The following TNKS variants were observed in gnomAD, a reference collection of about 807,000 sequenced individuals.
The protein encoded by TNKS is poly [ADP-ribose] polymerase tankyrase-1.
A neutral mutation model predicts 135.8 loss-of-function variants in TNKS; 72 were observed. The observed-to-expected ratio is 0.53, with a 90% CI of 0.44 to 0.64. TNKS has a LOEUF of 0.64. Among genes scored for constraint, TNKS ranks in the 30% least tolerant of loss-of-function variants. The probability of loss-of-function intolerance (pLI) is 0.00; values close to 1 mark genes in which losing one functional copy is unlikely to be tolerated. For synonymous variants in TNKS, 849 were observed against 649.3 expected (o/e 1.31, Z -4.68); for missense variants, 1,769 against 1,674.0 (o/e 1.06, Z -0.99).
chr8:9,589,226 C>T (rs1397621762), intron 2 of TNKS, among the ~76,000 whole-genome samples: 1 of 152,178 alleles, frequency 6.6e-6, no homozygotes, highest in African/African-American at 2.4e-5. Context: ...ATACTAGAAG[C>T]AGGACATACA....
intron 3 of TNKS, chr8:9,670,784 T>A (rs1350277466): frequency 6.6e-6 from 1 of 152,228 alleles, no homozygotes; most frequent in Admixed American, 6.5e-5. Context: ...AAAGCCTTGC[T>A]ATGATGTAAG....
At chr8:9,559,679 C>T (rs913903164) in intron 1 of TNKS, among the ~76,000 whole-genome samples, 2 of 152,134 alleles carry the variant, frequency 1.3e-5, no homozygotes, top group African/African-American at 4.8e-5. Context: ...GTTTAGCTCC[C>T]ACTTACTTAA....
At chr8:9,672,699 CACACACACACACAAAAA>C (rs1206261452) in intron 3 of TNKS, among the ~76,000 whole-genome samples, 2 of 117,074 alleles carry the variant, frequency 1.7e-5, no homozygotes, top group South Asian at 3.5e-4. Context: ...CACACACACA[CACACACACACACAAAAA>C]AAAAAAAACA....
At chr8:9,638,856 C>T (rs34638238) in intron 3 of TNKS, among the ~76,000 whole-genome samples, 5 of 151,924 alleles carry the variant, frequency 3.3e-5, no homozygotes, top group Non-Finnish European at 5.9e-5. Context: ...TACAGGAGAA[C>T]TGAGTGTATA....
At chr8:9,687,326 C>T (rs1275225896) in intron 5 of TNKS, among the ~76,000 whole-genome samples, 1 of 152,214 alleles carries the variant, frequency 6.6e-6, no homozygotes, top group South Asian at 2.1e-4. Flanking sequence ...CTAATCAAGT[C>T]ACTTCTTCGG....
chr8:9,594,437 C>T (rs904314556), intron 2 of TNKS, among the ~76,000 whole-genome samples: 4 of 152,118 alleles, frequency 2.6e-5, no homozygotes, highest in African/African-American at 9.7e-5. Flanking sequence ...GTTTTAAATG[C>T]TTAATGACCG....
At position 9,587,653 on chromosome 8, in the gene TNKS, C is replaced by G. The variant is rs113613703; in HGVS notation, c.898+7270C>G. ...TCCTGACCTTGTGATCCGCCCGCCTCGGCCTCCCAAAGTGCTGGGATTACA... is the reference window on the plus strand; with the variant it reads ...TCCTGACCTTGTGATCCGCCCGCCTGGGCCTCCCAAAGTGCTGGGATTACA... On this transcript the variant is annotated intron_variant, in intron 2 of 26. Coordinates refer to ENST00000310430, the MANE Select transcript of TNKS (RefSeq NM_003747.3). Among the ~76,000 whole-genome samples the G allele has an allele frequency of 7.2e-5, 11 of 152,250 alleles. No individual in the cohort carries two copies. In the East Asian group the frequency reaches 2.1e-3, roughly 29 times the overall value.
intron 19 of TNKS, among the ~76,000 whole-genome samples, chr8:9,752,332 C>G (rs925240189): frequency 6.6e-6 from 1 of 151,960 alleles, no homozygotes; most frequent in African/African-American, 2.4e-5. Flanking sequence ...AATACAAATA[C>G]TAATTTGATA....
At chr8:9,768,744 T>TAG (rs1201154816) in intron 25 of TNKS, among the ~76,000 whole-genome samples, 1 of 152,190 alleles carries the variant, frequency 6.6e-6, no homozygotes, top group East Asian at 1.9e-4. Context: ...GCCACAAATG[T>TAG]AGAGAGAGAT....
chr8:9,582,457 G>A (rs1282178484), intron 2 of TNKS, among the ~76,000 whole-genome samples: 1 of 152,190 alleles, frequency 6.6e-6, no homozygotes, highest in African/African-American at 2.4e-5. Context: ...ATCTCTATAT[G>A]TGGGGTAGAA....
chr8:9,638,894 A>G (rs1800620829), intron 3 of TNKS, among the ~76,000 whole-genome samples: 1 of 152,202 alleles, frequency 6.6e-6, no homozygotes, highest in African/African-American at 2.4e-5. Flanking sequence ...TGCCCAAATG[A>G]CAGGGCAAAA....
intron 3 of TNKS, among the ~76,000 whole-genome samples, chr8:9,622,749 A>AATATTG (rs1799912287): frequency 6.6e-6 from 1 of 152,208 alleles, no homozygotes; most frequent in Non-Finnish European, 1.5e-5. Context: ...CAAGTTACCT[A>AATATTG]ATATTGCCAG....
At chr8:9,572,403 T>C (rs1797789253) in intron 1 of TNKS, among the ~76,000 whole-genome samples, 1 of 152,236 alleles carries the variant, frequency 6.6e-6, no homozygotes, top group Admixed American at 6.5e-5. Context: ...TCCATGAATA[T>C]ATTAATCTGA....
chr8:9,719,513 T>A (rs1452018222), intron 11 of TNKS, among the ~76,000 whole-genome samples: 1 of 152,190 alleles, frequency 6.6e-6, no homozygotes, highest in South Asian at 2.1e-4. Context: ...TAAATTGACA[T>A]AGATGTTCAG....
chr8:9,707,348 T>A (rs1348287701), intron 8 of TNKS, among the ~76,000 whole-genome samples: 1 of 152,164 alleles, frequency 6.6e-6, no homozygotes, highest in East Asian at 1.9e-4. Flanking sequence ...GCTCTGAGCT[T>A]CTGGGGCTTA....
chr8:9,607,268 C>G (rs942609407), intron 2 of TNKS, among the ~76,000 whole-genome samples: 1 of 152,076 alleles, frequency 6.6e-6, no homozygotes, highest in African/African-American at 2.4e-5. Flanking sequence ...AAATGTTATT[C>G]ATATTTGACT....
At chr8:9,567,686 G>A (rs534772864) in intron 1 of TNKS, among the ~76,000 whole-genome samples, 1 of 152,144 alleles carries the variant, frequency 6.6e-6, no homozygotes, top group South Asian at 2.1e-4. Context: ...CAAAGTGGTG[G>A]GATTACAGGC....
At chr8:9,667,839 GT>G (rs35555078) in intron 3 of TNKS, among the ~76,000 whole-genome samples, 82,185 of 127,304 alleles carry the variant, frequency 0.65, 25,741 homozygotes, top group African/African-American at 0.69. Flanking sequence ...GCCCTTCTGG[GT>G]TTTTTTTTTT....
At chr8:9,664,526 A>T (rs932618152) in intron 3 of TNKS, among the ~76,000 whole-genome samples, 1 of 152,242 alleles carries the variant, frequency 6.6e-6, no homozygotes, top group South Asian at 2.1e-4. Flanking sequence ...GCACGTTAAC[A>T]TATAAAAATG....
Sources: allele counts gnomAD v4.1 joint callset (sites outside exome capture counted in the v4.1 genomes callset), GRCh38; gene constraint gnomAD v4.1.1; transcripts MANE v1.5; gene names NCBI Gene and HGNC (gene_info 2026-07-23, HGNC 2026-07-21).